The following TOGARAM1 variants were observed in gnomAD, a reference collection of about 807,000 sequenced individuals.
TOGARAM1 encodes the protein TOG array regulator of axonemal microtubules 1.
A neutral mutation model predicts 166.6 loss-of-function variants in TOGARAM1; 100 were observed. That is an observed-to-expected ratio of 0.60 (90% CI 0.51 to 0.71). TOGARAM1 has a LOEUF of 0.71. Among genes scored for constraint, TOGARAM1 ranks in the 30% least tolerant of loss-of-function variants. The probability of loss-of-function intolerance (pLI) is 0.00; values close to 1 mark genes in which losing one functional copy is unlikely to be tolerated. For synonymous variants in TOGARAM1, 758 were observed against 763.8 expected (o/e 0.99, Z 0.13); for missense variants, 2,029 against 2,102.7 (o/e 0.96, Z 0.69).
chr14:44,983,418 T>C (rs1457182647), intron 1 of TOGARAM1, among the ~76,000 whole-genome samples: 1 of 152,212 alleles, frequency 6.6e-6, no homozygotes, highest in African/African-American at 2.4e-5. Context: ...AATTTTAATA[T>C]GCAAATGAAT....
chr14:45,039,444 C>T (rs1293443080), intron 11 of TOGARAM1, among the ~76,000 whole-genome samples: 1 of 152,176 alleles, frequency 6.6e-6, no homozygotes, highest in Admixed American at 6.5e-5. Flanking sequence ...CTGTCTGCCT[C>T]CTGCCACCAT....
chr14:45,011,814 TAC>T (rs1393996164), intron 6 of TOGARAM1, 159 bp from the exon 7 acceptor site: 22 of 538,596 alleles, frequency 4.1e-5, no homozygotes, highest in Middle Eastern at 4.9e-4. Flanking sequence ...TGTGTGTGTA[TAC>T]ACACACACTG....
chr14:45,068,705 A>G, intron 18 of TOGARAM1, 62 bp downstream of exon 18: 1 of 1,299,008 alleles, frequency 7.7e-7, no homozygotes, highest in Admixed American at 2.5e-5. Flanking sequence ...TTCTGATTCC[A>G]TCCATACTTT....
rs1359040500 is a variant in TOGARAM1, at chr14:44,975,235, CAATG to C, written c.2046+10769_2046+10772del. ...TACATTATACTGGAATGAATGAACT[CAATG>C]GATGCCCCCCCACCAGGTGAAAGCC... is the stretch of plus-strand genomic sequence containing the variant. On this transcript the variant is annotated intron_variant, in intron 1 of 19. Transcript: ENST00000361462. Among the ~76,000 whole-genome samples, 17 of 152,230 alleles carry C rather than the reference CAATG, an allele frequency of 1.1e-4. 3 individuals carry two copies. The highest frequency in any genetic ancestry group is 3.4e-4 in the African/African-American group (14 of 41,532).
intron 11 of TOGARAM1, among the ~76,000 whole-genome samples, chr14:45,033,340 T>C (rs1187312191): frequency 6.6e-6 from 1 of 152,194 alleles, no homozygotes; most frequent in Non-Finnish European, 1.5e-5. Context: ...AAGGGCAGTC[T>C]TTCTGGCAAT....
chr14:45,025,780 C>T lies in TOGARAM1; in HGVS notation c.3239-3C>T, dbSNP rs780310289. On this transcript the variant is annotated splice_region_variant and splice_polypyrimidine_tract_variant and intron_variant, in intron 7 of 19. Coordinates refer to ENST00000361462, the MANE Select transcript of TOGARAM1 (RefSeq NM_001308120.2). Reference sequence around the variant, plus strand: ...TTTGTTTTGTTTTTTGGGGGATTTACAGGGTCATCATCAAATCCACAGCAA... The same window carrying T: ...TTTGTTTTGTTTTTTGGGGGATTTATAGGGTCATCATCAAATCCACAGCAA... The T allele has an allele frequency of 6.3e-6, 10 of 1,579,026 alleles. No individual in the cohort carries two copies. The highest frequency in any genetic ancestry group is 8.7e-6 in the Non-Finnish European group (10 of 1,150,274).
chr14:45,014,585 A>C (rs1354196091), intron 7 of TOGARAM1, among the ~76,000 whole-genome samples: 1 of 152,164 alleles, frequency 6.6e-6, no homozygotes, highest in Non-Finnish European at 1.5e-5. Context: ...TAATTGGTAA[A>C]ACATAAAAAT....
chr14:44,988,755 A>T (rs936816383), intron 1 of TOGARAM1, among the ~76,000 whole-genome samples: 1 of 152,248 alleles, frequency 6.6e-6, no homozygotes, highest in African/African-American at 2.4e-5. Context: ...GGTCATAAAA[A>T]GGCACTGCAG....
At chr14:45,013,486 G>A (rs1879935209) in intron 7 of TOGARAM1, among the ~76,000 whole-genome samples, 2 of 152,084 alleles carry the variant, frequency 1.3e-5, no homozygotes, top group South Asian at 4.1e-4. Flanking sequence ...TGCACTTCTA[G>A]GCATACAAAG....
At chr14:45,047,115 GTCGTGGTGGCTCACGCCTGTAA>G (rs1350054326) in intron 14 of TOGARAM1, among the ~76,000 whole-genome samples, 1 of 152,176 alleles carries the variant, frequency 6.6e-6, no homozygotes, top group African/African-American at 2.4e-5. Context: ...AATAAGGCGG[GTCGTGGTGGCTCACGCCTGTAA>G]TCCCAGCACT....
chr14:44,979,288 C>G (rs551115380), intron 1 of TOGARAM1, among the ~76,000 whole-genome samples: 1 of 152,290 alleles, frequency 6.6e-6, no homozygotes, highest in South Asian at 2.1e-4. Context: ...GCTCCCAGTT[C>G]TGGGGACTGG....
At chr14:45,047,427 T>C (rs1843521248) in intron 14 of TOGARAM1, among the ~76,000 whole-genome samples, 1 of 149,858 alleles carries the variant, frequency 6.7e-6, no homozygotes, top group Non-Finnish European at 1.5e-5. Flanking sequence ...ACAGGAATAA[T>C]GCATAACAAT....
chr14:45,005,699 G>GCT (rs1369545839), intron 4 of TOGARAM1, among the ~76,000 whole-genome samples: 2 of 152,184 alleles, frequency 1.3e-5, no homozygotes, highest in Non-Finnish European at 2.9e-5. Flanking sequence ...AGCCATTGAT[G>GCT]TAAGATGTTT....
Position 44,964,220 on chromosome 14 carries a change from G to C in TOGARAM1, c.1799G>C (p.Arg600Thr). 6.2e-7 allele frequency: 1 copy of C among 1,614,160 alleles called. No homozygotes were observed. The highest frequency in any genetic ancestry group is 8.5e-7 in the Non-Finnish European group (1 of 1,180,028). Reference sequence around the variant, plus strand: ...CTGATGCCATCTTCTGCCGGGGGTAGGTCAAACCATTTGGCACATGGAGCA... The same window carrying C: ...CTGATGCCATCTTCTGCCGGGGGTACGTCAAACCATTTGGCACATGGAGCA... ...AVLMPSSAGGRSNHLAHGADT... is the reference protein window; with the variant it reads ...AVLMPSSAGGTSNHLAHGADT... The change falls in exon 1 of 20, where the codon AGG (arginine) becomes ACG (threonine). Residue 600 changes from arginine (R) to threonine (T), a missense_variant. Physicochemically the swap from Arg to Thr is moderately conservative, Grantham distance 71. Transcript: ENST00000361462.
chr14:44,963,010 A>G lies in TOGARAM1; in HGVS notation c.589A>G (p.Lys197Glu). The G allele has an allele frequency of 1.9e-6, 3 of 1,614,168 alleles. No homozygotes were observed. The highest frequency in any genetic ancestry group is 1.1e-5 in the South Asian group (1 of 91,078). ...ACGGGAAGAGAATCCAGCCCTGCGG[A>G]AAGATGCGCTGCAGATCCTTCATAT... is the stretch of plus-strand genomic sequence containing the variant. ...SLREENPALRKDALQILHICL... is the reference protein window; with the variant it reads ...SLREENPALREDALQILHICL... The change falls in exon 1 of 20, where the codon AAA becomes GAA. Residue 197 changes from lysine to glutamate, a missense_variant. Physicochemically the swap from Lys to Glu is moderately conservative, Grantham distance 56. Around this residue, in one of 2 missense-constraint regions of TOGARAM1, gnomAD observed 1,453 missense variants for 1,432.2 expected, o/e 1.01. Coordinates refer to ENST00000361462, the MANE Select transcript of TOGARAM1 (RefSeq NM_001308120.2).
At chr14:45,012,375 C>G (rs772384650) in intron 7 of TOGARAM1, among the ~76,000 whole-genome samples, 2 of 152,070 alleles carry the variant, frequency 1.3e-5, no homozygotes, top group African/African-American at 4.8e-5. Flanking sequence ...TGTTGGCTGT[C>G]AGAATTTTGA....
intron 16 of TOGARAM1, among the ~76,000 whole-genome samples, chr14:45,058,409 C>T (rs529364772): frequency 6.6e-6 from 1 of 152,174 alleles, no homozygotes; most frequent in African/African-American, 2.4e-5. Flanking sequence ...ATTCTCCTGC[C>T]TCAGCATCCC....
intron 1 of TOGARAM1, among the ~76,000 whole-genome samples, chr14:44,972,117 G>A (rs1442524580): frequency 6.6e-6 from 1 of 152,104 alleles, no homozygotes; most frequent in African/African-American, 2.4e-5. Flanking sequence ...CCATGATCCA[G>A]TCATCCCCCA....
At chr14:44,987,964 A>T (rs969880995) in intron 1 of TOGARAM1, among the ~76,000 whole-genome samples, 7 of 152,058 alleles carry the variant, frequency 4.6e-5, no homozygotes, top group African/African-American at 1.7e-4. Context: ...AGGGACATGG[A>T]TGAAGCTGGA....
Sources: gnomAD v4.1 joint callset for allele counts (sites outside exome capture counted in the v4.1 genomes callset) on GRCh38, gnomAD v4.1.1 for gene constraint, gnomAD v4.1.1 regional missense constraint, MANE v1.5 for transcripts, NCBI Gene and HGNC (gene_info 2026-07-23, HGNC 2026-07-21) for gene names.